CCDC93: variants seen among roughly 807,000 people sequenced by gnomAD.
CCDC93 encodes the protein coiled-coil domain-containing protein 93.
CCDC93 carries 61 observed loss-of-function variants against 108.2 expected under a neutral mutation model. The observed-to-expected ratio is 0.56, with a 90% CI of 0.46 to 0.70. The LOEUF is 0.70. Among genes scored for constraint, CCDC93 ranks in the 30% least tolerant of loss-of-function variants. The probability of loss-of-function intolerance (pLI) is 0.00; values close to 1 mark genes in which losing one functional copy is unlikely to be tolerated. For synonymous variants in CCDC93, 276 were observed against 260.4 expected, an observed-to-expected ratio of 1.06 and a Z score of -0.58; for missense variants, 685 against 764.2, an observed-to-expected ratio of 0.90 and a Z score of 1.22.
intron 1 of CCDC93, 93 bp downstream of exon 1, chr2:118,013,860 CT>C (rs1249827927): frequency 2.1e-5 from 24 of 1,159,938 alleles, no homozygotes; most frequent in Non-Finnish European, 2.6e-5. Flanking sequence ...CGGGGCGCCC[CT>C]AACGCACCCA....
chr2:117,981,753 CTT>C (rs1365167295), intron 7 of CCDC93, among the ~76,000 whole-genome samples: 2 of 152,156 alleles, frequency 1.3e-5, no homozygotes, highest in Non-Finnish European at 2.9e-5. Context: ...TTAAATTTAA[CTT>C]AATTAAAATC....
rs747626610 is a variant in CCDC93, at chr2:117,946,771, T to C, written c.1296+40A>G. ...CTCTAGAACTATCTTTTTCCCGTAA[T>C]AGCACCTGAGAGTCTCAAGGACTAA... On this transcript the variant is annotated intron_variant, in intron 16 of 23. Transcript: ENST00000376300. 9.4e-5 allele frequency: 133 copies of C among 1,416,434 alleles called. 1 individual carries two copies. The highest frequency in any genetic ancestry group is 9.0e-6 in the Non-Finnish European group (9 of 1,001,114). 87.7% of individuals were successfully genotyped at this position (1,416,434 alleles called of 1,614,324 possible). A position where few individuals can be genotyped will look rare whatever the true frequency, so the allele number is the denominator to read the frequency against.
At chr2:117,982,886 C>T (rs1433939764) in intron 7 of CCDC93, among the ~76,000 whole-genome samples, 1 of 152,144 alleles carries the variant, frequency 6.6e-6, no homozygotes, top group Non-Finnish European at 1.5e-5. Context: ...AAAGGCCAGA[C>T]TTCCCATACA....
In CCDC93 at chr2:117,951,618, C is replaced by G. The variant is rs947383992; in HGVS notation, c.1068+755G>C. 3 of 1,000,054 alleles carry G rather than the reference C, an allele frequency of 3.0e-6. No individual in the cohort carries two copies. In the African/African-American group the frequency reaches 5.2e-5, roughly 17 times the overall value. 61.9% of individuals were successfully genotyped at this position (1,000,054 alleles called of 1,614,324 possible). ...GAAGTACGAGGTAGGGACCTTGCAG[C>G]GAGGTCCTTCCATAGTACGGCTATA... is the stretch of plus-strand genomic sequence containing the variant. On this transcript the variant is annotated intron_variant, in intron 13 of 23. Coordinates refer to ENST00000376300, the MANE Select transcript of CCDC93 (RefSeq NM_019044.5).
At chr2:117,953,836 G>T (rs1679136252) in intron 12 of CCDC93, among the ~76,000 whole-genome samples, 1 of 152,088 alleles carries the variant, frequency 6.6e-6, no homozygotes, top group Non-Finnish European at 1.5e-5. Flanking sequence ...TGAGGCTGCA[G>T]TGAGTTATGA....
At position 117,979,009 on chromosome 2, in the gene CCDC93, A is replaced by T. The variant is rs1374428532; in HGVS notation, c.621-979T>A. Reference sequence around the variant, plus strand: ...GGTGACAGAGCAAGACTCTGTCTCAAAAATAAATAAATGAAAATAAAGAAC... The same window carrying T: ...GGTGACAGAGCAAGACTCTGTCTCATAAATAAATAAATGAAAATAAAGAAC... On this transcript the variant is annotated intron_variant, in intron 7 of 23. Transcript: ENST00000376300. 4.6e-5 allele frequency among the ~76,000 whole-genome samples: 7 copies of T among 152,252 alleles called. No homozygotes were observed. In the East Asian group the frequency reaches 1.2e-3, roughly 25 times the overall value.
chr2:117,927,642 T>C (rs1000072122), intron 23 of CCDC93, among the ~76,000 whole-genome samples: 9 of 152,284 alleles, frequency 5.9e-5, no homozygotes, highest in Admixed American at 4.6e-4. Flanking sequence ...ATTCCATTCT[T>C]ATGGGTAGGA....
At position 117,928,173 on chromosome 2, in the gene CCDC93, G is replaced by C. The variant is rs62161782; in HGVS notation, c.1842+2864C>G. Among the ~76,000 whole-genome samples, 198 of 152,216 alleles carry C rather than the reference G, an allele frequency of 1.3e-3. 1 individual carries two copies. The highest frequency in any genetic ancestry group is 2.3e-3 in the Non-Finnish European group (158 of 68,008). The stretch of plus-strand genomic sequence containing the variant: ...CATAAAAACCCTAGAAGAAAACCTA[G>C]GCAACACCATTCAGGACATAGGCAT... On this transcript the variant is annotated intron_variant, in intron 23 of 23. Transcript: ENST00000376300.
chr2:117,950,736 CAGA>C (rs1484846233), intron 13 of CCDC93: 29 of 985,416 alleles, frequency 2.9e-5, no homozygotes, highest in African/African-American at 3.5e-5. Context: ...CAAGCTTCTT[CAGA>C]AGTTGTTCAG....
intron 1 of CCDC93, among the ~76,000 whole-genome samples, chr2:118,013,506 C>G (rs1558810615): frequency 1.3e-5 from 2 of 152,182 alleles, no homozygotes; most frequent in South Asian, 4.1e-4. Context: ...TGCGGGGTGG[C>G]GGTAGACGTC....
chr2:117,930,920 G>A, intron 23 of CCDC93, 117 bp downstream of exon 23: 1 of 649,420 alleles, frequency 1.5e-6, no homozygotes. Context: ...ACTCTGTCTT[G>A]TTATTTCCCT....
At chr2:117,929,373 T>A (rs1298886227) in intron 23 of CCDC93, among the ~76,000 whole-genome samples, 2 of 152,220 alleles carry the variant, frequency 1.3e-5, no homozygotes, top group Non-Finnish European at 2.9e-5. Flanking sequence ...TAGCTGGATC[T>A]GAAGGAACCA....
chr2:117,952,475 C>T, intron 12 of CCDC93, 40 bp from the exon 13 acceptor site: 2 of 1,367,282 alleles, frequency 1.5e-6, no homozygotes, highest in Non-Finnish European at 2.1e-6. Flanking sequence ...CTCATTTGAT[C>T]CTTATGACAA....
At chr2:117,946,504 C>T (rs918835754) in intron 16 of CCDC93, among the ~76,000 whole-genome samples, 3 of 152,130 alleles carry the variant, frequency 2.0e-5, no homozygotes, top group South Asian at 2.1e-4. Flanking sequence ...ATTTAAGGAA[C>T]GGGTGAGCAG....
chr2:117,935,453 C>T (rs745737526), intron 22 of CCDC93, 42 bp downstream of exon 22: 11 of 1,469,136 alleles, frequency 7.5e-6, no homozygotes, highest in Non-Finnish European at 7.6e-6. Context: ...CCTGTCACCA[C>T]TATAAAACCT....
chr2:117,983,677 T>TAG (rs1680227711), intron 7 of CCDC93, among the ~76,000 whole-genome samples: 1 of 105,926 alleles, frequency 9.4e-6, no homozygotes, highest in African/African-American at 3.8e-5. Flanking sequence ...TATATATATA[T>TAG]AGTCATATAA....
chr2:117,939,486 T>C (rs181294768), intron 19 of CCDC93, among the ~76,000 whole-genome samples: 1 of 152,354 alleles, frequency 6.6e-6, no homozygotes, highest in African/African-American at 2.4e-5. Flanking sequence ...AGTGTAAACA[T>C]GTCTTTATCA....
Position 117,975,220 on chromosome 2 carries a change from G to A in CCDC93, c.718C>T (p.His240Tyr). Reference sequence around the variant, plus strand: ...GCTGCTCGAAGCTCATCTTCCTCGTGGGCATCAGCTTTTTCTGTAGCTGAC... The same window carrying A: ...GCTGCTCGAAGCTCATCTTCCTCGTAGGCATCAGCTTTTTCTGTAGCTGAC... ...GLSATEKADA[H>Y]EEDELRAAEE... is the part of the protein sequence containing the mutation. Residue 240 changes from histidine to tyrosine, a missense_variant, in exon 9 of 24, where the codon CAC becomes TAC. Transcript: ENST00000376300. The A allele has an allele frequency of 6.2e-7, 1 of 1,613,452 alleles. No individual in the cohort carries two copies. Among genetic ancestry groups the A allele is most frequent in the Non-Finnish European group, 8.5e-7 (1 of 1,179,560 alleles).
At chr2:117,992,994 G>A (rs1014789327) in intron 6 of CCDC93, among the ~76,000 whole-genome samples, 2 of 152,060 alleles carry the variant, frequency 1.3e-5, no homozygotes, top group Admixed American at 6.5e-5. Flanking sequence ...ATGATTGACA[G>A]CTATGCTGGC....
Sources: gnomAD v4.1 joint callset for allele counts (sites outside exome capture counted in the v4.1 genomes callset) on GRCh38, gnomAD v4.1.1 for gene constraint, MANE v1.5 for transcripts, NCBI Gene and HGNC (gene_info 2026-07-23, HGNC 2026-07-21) for gene names.